Variants in EFCAB14 observed in about 807,000 individuals in gnomAD.
EFCAB14 encodes EF-hand calcium binding domain 14, also known as EF-hand calcium-binding domain-containing protein 14.
A neutral mutation model predicts 56.5 loss-of-function variants in EFCAB14; 43 were observed. The ratio of observed to expected loss-of-function variants is 0.76; its 90% CI spans 0.60 to 0.98. The LOEUF (loss-of-function observed/expected upper bound fraction) is 0.98, where lower values mean the gene tolerates loss of function less well. EFCAB14 is among the 50% of genes least tolerant of loss of function. EFCAB14 has a pLI of 0.00. For synonymous variants in EFCAB14, 235 were observed against 212.9 expected, an observed-to-expected ratio of 1.10 and a Z score of -0.90; for missense variants, 538 against 580.3, an observed-to-expected ratio of 0.93 and a Z score of 0.75.
At position 46,708,040 on chromosome 1, in the gene EFCAB14, G is replaced by C; in HGVS notation, c.346C>G (p.Gln116Glu). The change falls in exon 3 of 11, where the codon CAG becomes GAG. Residue 116 changes from glutamine to glutamate, a missense_variant. Gln to Glu is a conservative substitution (Grantham distance 29, BLOSUM62 2). Coordinates refer to ENST00000371933, the MANE Select transcript of EFCAB14 (RefSeq NM_014774.3). Reference protein sequence around the residue: ...KEKFRTMESNQKSSFQEIPKL... With the variant: ...KEKFRTMESNEKSSFQEIPKL... ...GGGATTTCTTGGAATGAGCTTTTCT[G>C]ATTAGATTCCACTAAAAAGACAAAA... 1 of 1,610,914 alleles carries C rather than the reference G, an allele frequency of 6.2e-7. No individual in the cohort carries two copies. The highest frequency in any genetic ancestry group is 2.2e-5 in the East Asian group (1 of 44,722).
chr1:46,708,464 C>T (rs1367553955), intron 2 of EFCAB14, among the ~76,000 whole-genome samples: 1 of 152,106 alleles, frequency 6.6e-6, no homozygotes, highest in Non-Finnish European at 1.5e-5. Flanking sequence ...GACAGCTGGT[C>T]ATAGATGATA....
intron 10 of EFCAB14, among the ~76,000 whole-genome samples, chr1:46,682,913 T>C (rs1185786153): frequency 6.6e-6 from 1 of 152,128 alleles, no homozygotes; most frequent in Non-Finnish European, 1.5e-5. Flanking sequence ...TCCCAGCTAC[T>C]TGGGAGGCTG....
intron 9 of EFCAB14, 102 bp from the exon 10 acceptor site, chr1:46,683,527 T>C: frequency 8.2e-7 from 1 of 1,214,996 alleles, no homozygotes; most frequent in Non-Finnish European, 1.1e-6. Context: ...ATACAATTAA[T>C]TTAGAGAAAC....
chr1:46,701,275 T>A (rs1399291782), intron 3 of EFCAB14, among the ~76,000 whole-genome samples: 5 of 152,174 alleles, frequency 3.3e-5, no homozygotes, highest in Admixed American at 3.3e-4. Context: ...TGCCCAATCA[T>A]AAAATGCTAG....
chr1:46,704,317 G>GA (rs1677204111), intron 3 of EFCAB14, among the ~76,000 whole-genome samples: 1 of 151,114 alleles, frequency 6.6e-6, no homozygotes. Context: ...GAAAGAGAAA[G>GA]AAAAAAAATT....
At chr1:46,699,410 T>C (rs139097180) in intron 3 of EFCAB14, among the ~76,000 whole-genome samples, 24 of 152,332 alleles carry the variant, frequency 1.6e-4, no homozygotes, top group African/African-American at 4.6e-4. Context: ...GGTTATTTGA[T>C]TGAGGTTTCT....
At chr1:46,702,272 A>G (rs1194672998) in intron 3 of EFCAB14, among the ~76,000 whole-genome samples, 1 of 152,214 alleles carries the variant, frequency 6.6e-6, no homozygotes, top group Non-Finnish European at 1.5e-5. Flanking sequence ...GTTGAAGTTA[A>G]GTGTCCTTTA....
At chr1:46,686,681 CAT>C (rs1243059875) in intron 8 of EFCAB14, 101 bp downstream of exon 8, 5 of 1,138,960 alleles carry the variant, frequency 4.4e-6, no homozygotes, top group Non-Finnish European at 6.4e-6. Context: ...AGTTTCAGCA[CAT>C]GAGAACAAAA....
chr1:46,716,796 G>T (rs1866770), intron 1 of EFCAB14, among the ~76,000 whole-genome samples: 122,517 of 152,226 alleles, frequency 0.8, 49,464 homozygotes, highest in East Asian at 0.91. Flanking sequence ...CTCTGCACTG[G>T]AATTTGCCTA....
In EFCAB14 at chr1:46,686,866, C is replaced by A; in HGVS notation, c.992G>T (p.Gly331Val). The A allele has an allele frequency of 1.2e-6, 2 of 1,613,532 alleles. No homozygotes were observed. Among genetic ancestry groups the A allele is most frequent in the Non-Finnish European group, 1.7e-6 (2 of 1,179,718 alleles). ...TCTTTTCAGAGTGGCAGATCTATCA[C>A]CCATCTTAAAGGGCAAAACAAAAAC... ...KKANLSFSMM[G>V]DRSATLKRQS... Residue 331 changes from glycine (G) to valine (V), a missense_variant, in exon 8 of 11, where the codon GGT (glycine) becomes GTT (valine). Gly to Val is a moderately radical substitution (Grantham distance 109). Coordinates refer to ENST00000371933, the MANE Select transcript of EFCAB14 (RefSeq NM_014774.3).
chr1:46,697,627 G>A (rs1459684636), intron 3 of EFCAB14, among the ~76,000 whole-genome samples: 1 of 152,140 alleles, frequency 6.6e-6, no homozygotes, highest in Non-Finnish European at 1.5e-5. Context: ...ACTGGGGGGT[G>A]TAAGACAAAA....
In EFCAB14 at chr1:46,675,978, C is replaced by T. The variant is rs1431776935; in HGVS notation, c.*2483G>A. 6.6e-6 allele frequency: 1 copy of T among 152,206 alleles called. No homozygotes were observed. Among genetic ancestry groups the T allele is most frequent in the Non-Finnish European group, 1.5e-5 (1 of 68,038 alleles). 9.4% of individuals were successfully genotyped at this position (152,206 alleles called of 1,614,324 possible). On this transcript the variant is annotated 3_prime_UTR_variant, in exon 11 of 11. Coordinates refer to ENST00000371933, the MANE Select transcript of EFCAB14 (RefSeq NM_014774.3). ...CAAAACCAAAACCAAACTCACTATCCAGTCTTCCTCTCAGAGATGAGATAT... is the reference window on the plus strand; with the variant it reads ...CAAAACCAAAACCAAACTCACTATCTAGTCTTCCTCTCAGAGATGAGATAT...
In EFCAB14 at chr1:46,677,840, C is replaced by T. The variant is rs562065438; in HGVS notation, c.*621G>A. On this transcript the variant is annotated 3_prime_UTR_variant, in exon 11 of 11. Coordinates refer to ENST00000371933, the MANE Select transcript of EFCAB14 (RefSeq NM_014774.3). ...AAATCGGTTCCTCCAGCTACCAGGA[C>T]AAACCCCCTGGCAGCGCCTGGGCCT... is the stretch of plus-strand genomic sequence containing the variant. 22 of 152,654 alleles carry T rather than the reference C, an allele frequency of 1.4e-4. No homozygotes were observed. Among genetic ancestry groups the T allele is most frequent in the African/African-American group, 5.3e-4 (22 of 41,528 alleles). 9.5% of individuals were successfully genotyped at this position (152,654 alleles called of 1,614,324 possible). A position where few individuals can be genotyped will look rare whatever the true frequency, so the allele number is the denominator to read the frequency against.
At chr1:46,706,087 G>T (rs868449390) in intron 3 of EFCAB14, among the ~76,000 whole-genome samples, 1 of 152,046 alleles carries the variant, frequency 6.6e-6, no homozygotes, top group Non-Finnish European at 1.5e-5. Flanking sequence ...GGCTGATCTG[G>T]AACTCCTTGG....
At chr1:46,710,423 A>G (rs1677292373) in intron 2 of EFCAB14, among the ~76,000 whole-genome samples, 1 of 152,212 alleles carries the variant, frequency 6.6e-6, no homozygotes, top group Non-Finnish European at 1.5e-5. Context: ...TAACACTAGA[A>G]CTTTCTCCTC....
intron 4 of EFCAB14, among the ~76,000 whole-genome samples, chr1:46,694,750 A>G (rs570202973): frequency 5.3e-5 from 8 of 152,328 alleles, no homozygotes; most frequent in South Asian, 2.1e-4. Flanking sequence ...AGGATTATAA[A>G]TCATGTTGCT....
At chr1:46,692,069 C>G (rs1569701513) in intron 4 of EFCAB14, 132 bp from the exon 5 acceptor site, 11 of 622,420 alleles carry the variant, frequency 1.8e-5, no homozygotes, top group Non-Finnish European at 2.7e-5. Flanking sequence ...GTACTACAAT[C>G]AAGATAATAA....
chr1:46,689,498 G>A, intron 6 of EFCAB14, 89 bp downstream of exon 6: 1 of 1,249,238 alleles, frequency 8.0e-7, no homozygotes, highest in Non-Finnish European at 1.2e-6. Flanking sequence ...GGATGCACCT[G>A]CTGAGACACC....
intron 3 of EFCAB14, among the ~76,000 whole-genome samples, chr1:46,705,240 G>A (rs747061927): frequency 5.9e-5 from 9 of 152,110 alleles, no homozygotes; most frequent in South Asian, 2.1e-4. Context: ...CTGGGCCTGC[G>A]CTCATGGTGA....
Sources: gnomAD v4.1 joint callset for allele counts (sites outside exome capture counted in the v4.1 genomes callset) on GRCh38, gnomAD v4.1.1 for gene constraint, MANE v1.5 for transcripts, NCBI Gene and HGNC (gene_info 2026-07-23, HGNC 2026-07-21) for gene names.